The following ABCB11 variants were observed in gnomAD, a reference collection of about 807,000 sequenced individuals.
ABCB11 encodes bile salt export pump.
Under a neutral mutation model 148.0 loss-of-function variants are expected in ABCB11, and 95 were observed. That is an observed-to-expected ratio of 0.64 (90% CI 0.54 to 0.76). The LOEUF (loss-of-function observed/expected upper bound fraction) is 0.76, where lower values mean the gene tolerates loss of function less well. Among genes scored for constraint, ABCB11 ranks in the 30% least tolerant of loss-of-function variants. The pLI is 0.00. For missense variants in ABCB11, 1,523 were observed against 1,617.8 expected, an observed-to-expected ratio of 0.94 and a Z score of 1.01; for synonymous variants, 591 against 555.4, an observed-to-expected ratio of 1.06 and a Z score of -0.90.
Position 168,964,263 on chromosome 2 carries a change from C to T in ABCB11, c.2121G>A (p.Val707=), listed in dbSNP as rs1223870113. 1 of 1,571,328 alleles carries T rather than the reference C, an allele frequency of 6.4e-7. No individual in the cohort carries two copies. The highest frequency in any genetic ancestry group is 8.6e-7 in the Non-Finnish European group (1 of 1,156,458). ...QRSKSQLSYL[V]HEPPLAVVDH... ...CTACAACAGCTAATGGAGGTTCGTG[C>T]ACCAGGTAAGAAAGCTGAGACTTGG... The change falls in exon 18 of 28, where the codon GTG becomes GTA. Residue 707 remains valine (V), a synonymous_variant. Coordinates refer to ENST00000650372, the MANE Select transcript of ABCB11 (RefSeq NM_003742.4).
intron 1 of ABCB11, among the ~76,000 whole-genome samples, chr2:169,026,401 T>C (rs1695695978): frequency 6.6e-6 from 1 of 152,172 alleles, no homozygotes; most frequent in African/African-American, 2.4e-5. Context: ...TGGAAGCTAG[T>C]CCCTTTATCT....
intron 18 of ABCB11, among the ~76,000 whole-genome samples, chr2:168,960,986 T>A (rs551700851): frequency 7.9e-5 from 12 of 151,744 alleles, no homozygotes; most frequent in African/African-American, 2.9e-4. Flanking sequence ...AAATCATATG[T>A]AAAGAAATGC....
intron 2 of ABCB11, 116 bp downstream of exon 2, chr2:169,017,934 A>G (rs1695413974): frequency 2.4e-6 from 2 of 850,016 alleles, no homozygotes; most frequent in South Asian, 1.3e-5. Flanking sequence ...ACACACAATG[A>G]TACTTCTACC....
chr2:169,000,963 T>C (rs1200783100), intron 5 of ABCB11, among the ~76,000 whole-genome samples: 2 of 152,172 alleles, frequency 1.3e-5, no homozygotes, highest in African/African-American at 4.8e-5. Flanking sequence ...GATTTATCTA[T>C]AGCGTTTTTA....
At chr2:168,931,244 T>TA (rs913307945) in intron 24 of ABCB11, among the ~76,000 whole-genome samples, 1 of 152,170 alleles carries the variant, frequency 6.6e-6, no homozygotes, top group African/African-American at 2.4e-5. Context: ...ATGTTACACT[T>TA]AAAACGACCT....
intron 23 of ABCB11, 108 bp from the exon 24 acceptor site, chr2:168,932,641 A>C: frequency 7.4e-7 from 1 of 1,343,836 alleles, no homozygotes; most frequent in East Asian, 2.5e-5. Flanking sequence ...GAAAGGACCA[A>C]ATATCCTTGA....
rs970986708 is a variant in ABCB11 at position 168,964,116 on chromosome 2, A to G, written c.2178+90T>C. ...TTGAAACACTGCTAGATATATACCT[A>G]GAAAACTCATATTCTCAGGCTTAAA... On this transcript the variant is annotated intron_variant, in intron 18 of 27. Transcript: ENST00000650372. The G allele has an allele frequency of 4.3e-6, 4 of 921,226 alleles. No homozygotes were observed. In the African/African-American group the frequency reaches 5.0e-5, roughly 12 times the overall value. The allele number at this position is 921,226 out of a possible 1,614,324, so 57.1% of individuals were successfully genotyped here. A position where few individuals can be genotyped will look rare whatever the true frequency, so the allele number is the denominator to read the frequency against.
chr2:168,959,019 A>G lies in ABCB11; in HGVS notation c.2179-891T>C, dbSNP rs573530907. Among the ~76,000 whole-genome samples, 4 of 151,882 alleles carry G rather than the reference A, an allele frequency of 2.6e-5. No homozygotes were observed. In the East Asian group the frequency reaches 7.8e-4, roughly 30 times the overall value. On this transcript the variant is annotated intron_variant, in intron 18 of 27. Transcript: ENST00000650372. ...TACAGCAAATCGACTATAAAGCTTA[A>G]TTAGTGCTCTCTTTCATTAACACAG...
Position 168,975,564 on chromosome 2 carries a change from T to A in ABCB11, c.1308+1013A>T, listed in dbSNP as rs1270448146. Among the ~76,000 whole-genome samples, 183 of 40,996 alleles carry A rather than the reference T, an allele frequency of 4.5e-3. 55 individuals carry two copies. The highest frequency in any genetic ancestry group is 0.013 in the East Asian group (10 of 768). 26.9% of individuals were successfully genotyped at this position (40,996 alleles called of 152,430 possible). A position where few individuals can be genotyped will look rare whatever the true frequency, so the allele number is the denominator to read the frequency against. On this transcript the variant is annotated intron_variant, in intron 12 of 27. Transcript: ENST00000650372. ...AAATATATAAATACATAAATATTTT[T>A]ATATTTATAGATAAATATATAAATA...
Position 168,930,840 on chromosome 2 carries a change from T to A in ABCB11, c.3236A>T (p.Asp1079Val). ...ATATGTAAATTTACAATCAACAAAA[T>A]CAATCTTCCCCTGGAAGTTGTCCTG... The part of the protein sequence containing the change: ...EKWDNFQGKI[D>V]FVDCKFTYPS... The change falls in exon 25 of 28, where the codon GAT (aspartate) becomes GTT (valine). Residue 1079 changes from aspartate to valine, a missense_variant. Asp to Val is a radical substitution (Grantham distance 152). Coordinates refer to ENST00000650372, the MANE Select transcript of ABCB11 (RefSeq NM_003742.4). The A allele has an allele frequency of 6.2e-7, 1 of 1,604,736 alleles. No individual in the cohort carries two copies. Among genetic ancestry groups the A allele is most frequent in the South Asian group, 1.1e-5 (1 of 89,176 alleles).
Position 168,972,087 on chromosome 2 carries a change from T to A in ABCB11, c.1435-37A>T, listed in dbSNP as rs555798547. 1.4e-5 allele frequency: 22 copies of A among 1,580,964 alleles called. No individual in the cohort carries two copies. In the South Asian group the frequency reaches 2.2e-4, roughly 16 times the overall value. On this transcript the variant is annotated intron_variant, in intron 13 of 27. Transcript: ENST00000650372. ...GGGCACAACATCACAACTTTTGGAA[T>A]CTTTCAGGGTTCTGAATCATAATAT...
Position 169,030,942 on chromosome 2 carries a change from G to A in ABCB11, c.-28+283C>T, listed in dbSNP as rs191267402. 1.8e-4 allele frequency among the ~76,000 whole-genome samples: 27 copies of A among 152,084 alleles called. No individual in the cohort carries two copies. In the East Asian group the frequency reaches 3.9e-3, roughly 22 times the overall value. ...TTTGAGCAGATTATTCAATCTATTC[G>A]GCCATTTGTACCACACACCCATGTA... On this transcript the variant is annotated intron_variant, in intron 1 of 27. Coordinates refer to ENST00000650372, the MANE Select transcript of ABCB11 (RefSeq NM_003742.4).
intron 1 of ABCB11, among the ~76,000 whole-genome samples, chr2:169,029,941 C>T (rs1695815637): frequency 1.6e-5 from 2 of 126,182 alleles, no homozygotes; most frequent in South Asian, 5.3e-4. Context: ...GGGGTTTCAC[C>T]GTGTTAGCCA....
chr2:168,959,514 G>C (rs143154555), intron 18 of ABCB11, among the ~76,000 whole-genome samples: 2 of 151,752 alleles, frequency 1.3e-5, no homozygotes, highest in African/African-American at 4.8e-5. Flanking sequence ...CTTAAAACGA[G>C]AGACTTGGAC....
intron 18 of ABCB11, among the ~76,000 whole-genome samples, chr2:168,962,634 C>A (rs1574437335): frequency 1.3e-5 from 2 of 151,660 alleles, no homozygotes; most frequent in East Asian, 3.9e-4. Context: ...AATTAAAATG[C>A]AAAAATTAAA....
intron 5 of ABCB11, among the ~76,000 whole-genome samples, chr2:169,006,310 T>C (rs1276973610): frequency 6.6e-6 from 1 of 152,184 alleles, no homozygotes; most frequent in African/African-American, 2.4e-5. Context: ...ATCATCTTAA[T>C]AGATGTAGAT....
At chr2:168,988,695 T>C (rs1694411376) in intron 9 of ABCB11, among the ~76,000 whole-genome samples, 1 of 152,124 alleles carries the variant, frequency 6.6e-6, no homozygotes, top group African/African-American at 2.4e-5. Context: ...CTCCATACTC[T>C]TTGGCTGTAC....
rs568355856 is a variant in ABCB11 at position 168,921,724 on chromosome 2, A to G, written c.*1898T>C. Among the ~76,000 whole-genome samples, 152 of 152,080 alleles carry G rather than the reference A, an allele frequency of 1.0e-3. No homozygotes were observed. Among genetic ancestry groups the G allele is most frequent in the African/African-American group, 3.6e-3 (148 of 41,484 alleles). ...AAGTCAATTCCCATGCAAGGAGGAG[A>G]CACCAAAAAGCCTGGGGAAGCTCTG... is the stretch of plus-strand genomic sequence containing the variant. On this transcript the variant is annotated 3_prime_UTR_variant, in exon 28 of 28. Transcript: ENST00000650372.
chr2:168,945,165 G>A (rs911609034), intron 19 of ABCB11, among the ~76,000 whole-genome samples: 1 of 151,898 alleles, frequency 6.6e-6, no homozygotes, highest in African/African-American at 2.4e-5. Context: ...TGTAGGAAAT[G>A]TATCATTCTG....
Sources: gnomAD v4.1 joint callset for allele counts (sites outside exome capture counted in the v4.1 genomes callset) on GRCh38, gnomAD v4.1.1 for gene constraint, MANE v1.5 for transcripts, NCBI Gene and HGNC (gene_info 2026-07-23, HGNC 2026-07-21) for gene names.